CHURC1: variants seen among roughly 807,000 people sequenced by gnomAD.
The protein encoded by CHURC1 is protein Churchill.
A neutral mutation model predicts 15.4 loss-of-function variants in CHURC1; 12 were observed. The observed-to-expected ratio is 0.78, with a 90% CI of 0.50 to 1.27. The LOEUF (loss-of-function observed/expected upper bound fraction) is 1.27, where lower values mean the gene tolerates loss of function less well. CHURC1 is among the 50% of genes most tolerant of loss of function. The pLI is 0.00. For missense variants in CHURC1, 132 were observed against 137.8 expected (o/e 0.96, Z 0.21); for synonymous variants, 42 against 47.5 (o/e 0.88, Z 0.48).
intron 3 of CHURC1, among the ~76,000 whole-genome samples, chr14:64,928,501 C>A (rs1487735455): frequency 1.3e-5 from 2 of 152,206 alleles, no homozygotes; most frequent in Non-Finnish European, 2.9e-5. Flanking sequence ...CCTCCTGCCT[C>A]AGCCTCCCAA....
intron 1 of CHURC1, among the ~76,000 whole-genome samples, chr14:64,918,975 T>G (rs1269359407): frequency 6.6e-6 from 1 of 152,262 alleles, no homozygotes; most frequent in Non-Finnish European, 1.5e-5. Context: ...AAATATATAG[T>G]ACTGAATTCT....
At chr14:64,932,023 C>A in intron 3 of CHURC1, 115 bp from the exon 4 acceptor site, 1 of 1,310,870 alleles carries the variant, frequency 7.6e-7, no homozygotes. Context: ...GAAATTGATC[C>A]AATGTACAGA....
chr14:64,915,615 T>C (rs1883829634), intron 1 of CHURC1, among the ~76,000 whole-genome samples: 1 of 152,186 alleles, frequency 6.6e-6, no homozygotes, highest in African/African-American at 2.4e-5. Context: ...CCTTATGTCT[T>C]AGTATCTTAT....
intron 3 of CHURC1, among the ~76,000 whole-genome samples, chr14:64,928,519 G>A (rs996585906): frequency 6.6e-6 from 1 of 152,112 alleles, no homozygotes; most frequent in Non-Finnish European, 1.5e-5. Context: ...CAAAGTGCTG[G>A]GATTACAGGT....
In CHURC1 at chr14:64,933,473, T is replaced by C. The variant is rs1885186019; in HGVS notation, c.*1243T>C. 14 of 985,268 alleles carry C rather than the reference T, an allele frequency of 1.4e-5. No individual in the cohort carries two copies. The highest frequency in any genetic ancestry group is 1.7e-5 in the Non-Finnish European group (14 of 829,880). 61.0% of individuals were successfully genotyped at this position (985,268 alleles called of 1,614,324 possible). A position where few individuals can be genotyped will look rare whatever the true frequency, so the allele number is the denominator to read the frequency against. ...AACTGGCATTTAGGCCTCTCTGCCA[T>C]TTAGTAGCAGTATAGTCATTAAGCA... is the stretch of plus-strand genomic sequence containing the variant. On this transcript the variant is annotated 3_prime_UTR_variant, in exon 4 of 4. Transcript: ENST00000549115.
chr14:64,926,211 CTTTT>C (rs3033502), intron 3 of CHURC1, 131 bp downstream of exon 3: 332 of 187,624 alleles, frequency 1.8e-3, no homozygotes, highest in Middle Eastern at 6.8e-3. Flanking sequence ...GAGACTATGC[CTTTT>C]TTTTTTTTTT....
At chr14:64,929,927 C>T (rs542235288) in intron 3 of CHURC1, among the ~76,000 whole-genome samples, 1 of 141,846 alleles carries the variant, frequency 7.0e-6, no homozygotes, top group Non-Finnish European at 1.5e-5. Context: ...AAAAAAAACC[C>T]TCCTAGCAAA....
At chr14:64,928,498 C>T (rs1246510317) in intron 3 of CHURC1, among the ~76,000 whole-genome samples, 1 of 152,166 alleles carries the variant, frequency 6.6e-6, no homozygotes, top group East Asian at 1.9e-4. Context: ...AGTCCTCCTG[C>T]CTCAGCCTCC....
rs1885205862 is a variant in CHURC1, at chr14:64,933,853, A to C, written c.*1623A>C. 1 of 984,712 alleles carries C rather than the reference A, an allele frequency of 1.0e-6. No homozygotes were observed. The highest frequency in any genetic ancestry group is 1.7e-5 in the African/African-American group (1 of 57,238). 61.0% of individuals were successfully genotyped at this position (984,712 alleles called of 1,614,324 possible). A position where few individuals can be genotyped will look rare whatever the true frequency, so the allele number is the denominator to read the frequency against. ...TGATGATAATATCTGAGCTTTATTA[A>C]GTACTTACTACATGCTAAGAGCTTT... On this transcript the variant is annotated 3_prime_UTR_variant, in exon 4 of 4. Coordinates refer to ENST00000549115, the MANE Select transcript of CHURC1 (RefSeq NM_001386928.1).
Position 64,924,129 on chromosome 14 carries a change from A to T in CHURC1, c.175+3A>T, listed in dbSNP as rs746016377. On this transcript the variant is annotated splice_donor_region_variant and intron_variant, in intron 2 of 3. Transcript: ENST00000549115. ...AGAAGAAATAGTTACCTATGATCGT[A>T]AGTAGACTTTATTTTTTAACCTGAG... is the stretch of plus-strand genomic sequence containing the variant. 6.2e-7 allele frequency: 1 copy of T among 1,601,526 alleles called. No individual in the cohort carries two copies. Among genetic ancestry groups the T allele is most frequent in the East Asian group, 2.2e-5 (1 of 44,558 alleles).
intron 1 of CHURC1, among the ~76,000 whole-genome samples, chr14:64,923,455 G>A (rs989393979): frequency 6.6e-6 from 1 of 152,188 alleles, no homozygotes; most frequent in African/African-American, 2.4e-5. Context: ...TCAATCATGT[G>A]TATCCTTAAG....
chr14:64,932,316 G>T lies in CHURC1; in HGVS notation c.*86G>T. ...TGGTTTGTCTTATTTCATTCATACTGAAAATTCTTTGCATATTTTTTTTCT... is the reference window on the plus strand; with the variant it reads ...TGGTTTGTCTTATTTCATTCATACTTAAAATTCTTTGCATATTTTTTTTCT... On this transcript the variant is annotated 3_prime_UTR_variant, in exon 4 of 4. Transcript: ENST00000549115. 1 of 1,536,434 alleles carries T rather than the reference G, an allele frequency of 6.5e-7. No homozygotes were observed. Among genetic ancestry groups the T allele is most frequent in the Admixed American group, 2.0e-5 (1 of 49,574 alleles).
intron 3 of CHURC1, among the ~76,000 whole-genome samples, chr14:64,927,716 A>ACCCCCCCCC (rs1172402751): frequency 9.8e-5 from 4 of 40,646 alleles, no homozygotes; most frequent in Admixed American, 2.5e-4. Flanking sequence ...TTCTCCCCCC[A>ACCCCCCCCC]CCCCCCCCCC....
intron 3 of CHURC1, among the ~76,000 whole-genome samples, chr14:64,928,385 C>T (rs1243484838): frequency 6.6e-6 from 1 of 152,138 alleles, no homozygotes; most frequent in Admixed American, 6.5e-5. Context: ...GTAGCTGAGA[C>T]TACAGGCACT....
chr14:64,929,841 G>C (rs1167375245), intron 3 of CHURC1, among the ~76,000 whole-genome samples: 1 of 151,970 alleles, frequency 6.6e-6, no homozygotes, highest in East Asian at 1.9e-4. Context: ...GGCAAGACTA[G>C]GGAGAAAGTG....
intron 1 of CHURC1, among the ~76,000 whole-genome samples, chr14:64,914,886 C>T (rs1385704918): frequency 6.6e-6 from 1 of 152,230 alleles, no homozygotes; most frequent in Non-Finnish European, 1.5e-5. Flanking sequence ...TTACCGAATT[C>T]TAGCGCTGGA....
intron 3 of CHURC1, among the ~76,000 whole-genome samples, chr14:64,928,391 G>A (rs1884873367): frequency 6.6e-6 from 1 of 152,084 alleles, no homozygotes; most frequent in African/African-American, 2.4e-5. Context: ...GAGACTACAG[G>A]CACTAGCCTC....
intron 3 of CHURC1, among the ~76,000 whole-genome samples, chr14:64,928,725 TA>T (rs11331213): frequency 0.26 from 40,024 of 152,146 alleles, 6,016 homozygotes; most frequent in African/African-American, 0.4. Flanking sequence ...CATCTAGTTT[TA>T]TTAACTATTG....
chr14:64,917,878 C>T (rs1232838431), intron 1 of CHURC1, among the ~76,000 whole-genome samples: 1 of 152,162 alleles, frequency 6.6e-6, no homozygotes, highest in East Asian at 1.9e-4. Flanking sequence ...GAAGAAAAAA[C>T]AAAATTGGGG....
Sources: allele counts gnomAD v4.1 joint callset (sites outside exome capture counted in the v4.1 genomes callset), GRCh38; gene constraint gnomAD v4.1.1; transcripts MANE v1.5; gene names NCBI Gene and HGNC (gene_info 2026-07-23, HGNC 2026-07-21).